Variants in CSMD3 observed in about 807,000 individuals in gnomAD.
CSMD3 encodes the protein CUB and Sushi multiple domains 3, also known as CUB and sushi domain-containing protein 3.
A neutral mutation model predicts 435.2 loss-of-function variants in CSMD3; 177 were observed. The observed-to-expected ratio is 0.41, with a 90% CI of 0.36 to 0.46. The LOEUF (loss-of-function observed/expected upper bound fraction) is 0.46, where lower values mean the gene tolerates loss of function less well. CSMD3 is among the 20% of genes least tolerant of loss of function. The probability of loss-of-function intolerance (pLI) is 0.34; values close to 1 mark genes in which losing one functional copy is unlikely to be tolerated. For missense variants in CSMD3, 4,265 were observed against 4,504.6 expected (o/e 0.95, Z 1.52); for synonymous variants, 1,656 against 1,520.5 (o/e 1.09, Z -2.07).
At chr8:112,477,604 C>T (rs1464476448) in intron 31 of CSMD3, among the ~76,000 whole-genome samples, 1 of 151,966 alleles carries the variant, frequency 6.6e-6, no homozygotes, top group African/African-American at 2.4e-5. Flanking sequence ...GTATATGGCA[C>T]CTCCCCATTC....
chr8:112,543,580 G>A (rs1325927134), intron 27 of CSMD3, among the ~76,000 whole-genome samples: 1 of 151,930 alleles, frequency 6.6e-6, no homozygotes, highest in East Asian at 1.9e-4. Flanking sequence ...TTAAAAAAAG[G>A]TGTTGGCAAG....
intron 22 of CSMD3, among the ~76,000 whole-genome samples, chr8:112,622,001 T>A (rs191474403): frequency 7.2e-5 from 11 of 152,264 alleles, no homozygotes; most frequent in Non-Finnish European, 1.3e-4. Flanking sequence ...GGAGATTGGC[T>A]CTTAGAAAGG....
chr8:113,078,110 G>T (rs2089419491), intron 5 of CSMD3, among the ~76,000 whole-genome samples: 1 of 152,024 alleles, frequency 6.6e-6, no homozygotes, highest in African/African-American at 2.4e-5. Flanking sequence ...ATTCAATGCT[G>T]GCATAAGATG....
At chr8:113,379,715 T>A (rs993868892) in intron 1 of CSMD3, among the ~76,000 whole-genome samples, 1 of 152,230 alleles carries the variant, frequency 6.6e-6, no homozygotes, top group Non-Finnish European at 1.5e-5. Flanking sequence ...TCTAATAATA[T>A]AATATCTGTG....
rs747943730 is a variant in CSMD3 at position 112,682,586 on chromosome 8, G to T, written c.2533C>A (p.Arg845=). ...CCTAATTGAAAGTTGTCCCCAAACCGCCGTGCATTGATTGGTATTCCAGGA... is the reference window on the plus strand; with the variant it reads ...CCTAATTGAAAGTTGTCCCCAAACCTCCGTGCATTGATTGGTATTCCAGGA... ...PDPGIPINAR[R]FGDNFQLGSS... The change falls in exon 16 of 71, where the codon CGG becomes AGG. Residue 845 remains arginine (R), a synonymous_variant. Transcript: ENST00000297405. 6.2e-7 allele frequency: 1 copy of T among 1,613,366 alleles called. No individual in the cohort carries two copies. The highest frequency in any genetic ancestry group is 8.5e-7 in the Non-Finnish European group (1 of 1,179,426).
chr8:112,682,469 A>G lies in CSMD3; in HGVS notation c.2650T>C (p.Trp884Arg), dbSNP rs370855672. Residue 884 changes from tryptophan (W) to arginine (R), a missense_variant, in exon 16 of 71, where the codon TGG becomes CGG. Trp to Arg is a moderately radical substitution (Grantham distance 101). Coordinates refer to ENST00000297405, the MANE Select transcript of CSMD3 (RefSeq NM_198123.2). ...CCACATTTTGGAATCAGTCCACTCC[A>G]CATTACTTTTCCATCCATAAGAATA... ...TCILMDGKVM[W>R]SGLIPKCGAP... 1.9e-6 allele frequency: 3 copies of G among 1,612,496 alleles called. No individual in the cohort carries two copies. Among genetic ancestry groups the G allele is most frequent in the Non-Finnish European group, 2.5e-6 (3 of 1,179,716 alleles).
At chr8:112,601,237 T>C (rs1832327686) in intron 22 of CSMD3, among the ~76,000 whole-genome samples, 1 of 152,074 alleles carries the variant, frequency 6.6e-6, no homozygotes, top group African/African-American at 2.4e-5. Flanking sequence ...TAGCAATAGC[T>C]AGTAGTAGTT....
chr8:112,254,010 C>A (rs542759662), intron 63 of CSMD3, among the ~76,000 whole-genome samples: 1 of 151,974 alleles, frequency 6.6e-6, no homozygotes, highest in South Asian at 2.1e-4. Context: ...TTCCTATGCT[C>A]ACTGCTATTT....
In CSMD3 at chr8:113,155,644, T is replaced by C. The variant is rs75007593; in HGVS notation, c.709+18078A>G. 2.1e-4 allele frequency among the ~76,000 whole-genome samples: 32 copies of C among 152,156 alleles called. No individual in the cohort carries two copies. The East Asian group carries it at 6.2e-3, about 30-fold the overall frequency. On this transcript the variant is annotated intron_variant, in intron 4 of 70. Coordinates refer to ENST00000297405, the MANE Select transcript of CSMD3 (RefSeq NM_198123.2). ...AAAACAAATCTATATACTGTGAATA[T>C]ATATTTGAAATTAATTTCAACGAGG...
chr8:113,399,970 A>G (rs1332143416), intron 1 of CSMD3, among the ~76,000 whole-genome samples: 3 of 151,324 alleles, frequency 2.0e-5, no homozygotes, highest in Non-Finnish European at 4.4e-5. Context: ...ATATGTATAC[A>G]TATATATCAC....
chr8:113,077,154 A>G (rs1256133565), intron 5 of CSMD3, among the ~76,000 whole-genome samples: 1 of 152,162 alleles, frequency 6.6e-6, no homozygotes, highest in Non-Finnish European at 1.5e-5. Flanking sequence ...TGAAATCTGA[A>G]TAATTTTGAT....
intron 32 of CSMD3, among the ~76,000 whole-genome samples, chr8:112,433,438 T>C (rs1316595722): frequency 6.6e-6 from 1 of 150,762 alleles, no homozygotes. Context: ...GGAGGATCCT[T>C]TGAGGTCAGG....
rs199566824 is a variant in CSMD3, at chr8:112,314,517, G to A, written c.7461C>T (p.Ser2487=). The A allele has an allele frequency of 6.2e-7, 1 of 1,611,034 alleles. No homozygotes were observed. The highest frequency in any genetic ancestry group is 1.3e-5 in the African/African-American group (1 of 74,936). The change falls in exon 48 of 71, where the codon AGC becomes AGT. Residue 2487 remains serine, a synonymous_variant. Transcript: ENST00000297405. The part of the protein sequence containing the change: ...SYPNLQMCAW[S]ISVEKGYNIT... ...TATTATAACCCTTTTCCACTGAAAT[G>A]CTCCATGCACACATTTGAAGATTTG...
At chr8:112,558,116 T>C (rs1475833340) in intron 24 of CSMD3, among the ~76,000 whole-genome samples, 1 of 151,864 alleles carries the variant, frequency 6.6e-6, no homozygotes, top group Non-Finnish European at 1.5e-5. Flanking sequence ...GAAAAGTGAT[T>C]AGAAGGCCTC....
At chr8:112,814,619 C>T (rs1168867542) in intron 12 of CSMD3, among the ~76,000 whole-genome samples, 4 of 152,030 alleles carry the variant, frequency 2.6e-5, no homozygotes, top group Non-Finnish European at 5.9e-5. Context: ...CCCATCTCTA[C>T]TAAAAACAGA....
chr8:112,349,803 C>G (rs964041446), intron 40 of CSMD3, among the ~76,000 whole-genome samples: 1 of 152,144 alleles, frequency 6.6e-6, no homozygotes, highest in Non-Finnish European at 1.5e-5. Flanking sequence ...CACATCATCA[C>G]TCTTAAACAT....
intron 16 of CSMD3, among the ~76,000 whole-genome samples, chr8:112,673,307 G>C (rs962046889): frequency 6.6e-6 from 1 of 151,646 alleles, no homozygotes; most frequent in Non-Finnish European, 1.5e-5. Context: ...AGGATAAGAA[G>C]AGAAAGACAG....
At chr8:113,365,585 A>G (rs1015223996) in intron 1 of CSMD3, among the ~76,000 whole-genome samples, 1 of 152,184 alleles carries the variant, frequency 6.6e-6, no homozygotes, top group East Asian at 1.9e-4. Context: ...AAAATAGATT[A>G]TGTACATTTT....
intron 4 of CSMD3, among the ~76,000 whole-genome samples, chr8:113,117,203 T>G (rs1327481967): frequency 6.6e-6 from 1 of 152,024 alleles, no homozygotes; most frequent in East Asian, 1.9e-4. Context: ...AAAAAAATGG[T>G]TTTGTGGGCT....
Sources: gnomAD v4.1 joint callset for allele counts (sites outside exome capture counted in the v4.1 genomes callset) on GRCh38, gnomAD v4.1.1 for gene constraint, MANE v1.5 for transcripts, NCBI Gene and HGNC (gene_info 2026-07-23, HGNC 2026-07-21) for gene names.